Variants in CAPN13 observed in about 807,000 individuals in gnomAD.
The protein encoded by CAPN13 is calpain-13.
CAPN13 carries 90 observed loss-of-function variants against 98.4 expected under a neutral mutation model. The observed-to-expected ratio is 0.92, with a 90% CI of 0.77 to 1.09. CAPN13 has a LOEUF of 1.09. Ranked by LOEUF, CAPN13 falls within the 50% of genes least tolerant of loss-of-function variation. CAPN13 has a pLI of 0.00. For missense variants in CAPN13, 887 were observed against 841.3 expected, an observed-to-expected ratio of 1.05 and a Z score of -0.67; for synonymous variants, 330 against 305.5, an observed-to-expected ratio of 1.08 and a Z score of -0.84.
intron 7 of CAPN13, among the ~76,000 whole-genome samples, chr2:30,759,059 C>T (rs1035672161): frequency 1.5e-4 from 2 of 13,354 alleles, no homozygotes; most frequent in Admixed American, 5.1e-4. Context: ...TCCTTCCCTC[C>T]CTCCCTCCCT....
chr2:30,804,569 A>G (rs1014267071), intron 1 of CAPN13, among the ~76,000 whole-genome samples: 1 of 152,206 alleles, frequency 6.6e-6, no homozygotes, highest in African/African-American at 2.4e-5. Context: ...ATATTTGATC[A>G]TAAATGCTTT....
intron 22 of CAPN13, among the ~76,000 whole-genome samples, chr2:30,728,194 G>A (rs1158203829): frequency 1.3e-5 from 2 of 150,062 alleles, no homozygotes; most frequent in South Asian, 2.1e-4. Flanking sequence ...CATGCTAGAT[G>A]GGCATGGGGT....
At chr2:30,760,242 T>C (rs1672774492) in intron 7 of CAPN13, among the ~76,000 whole-genome samples, 1 of 152,172 alleles carries the variant, frequency 6.6e-6, no homozygotes, top group Non-Finnish European at 1.5e-5. Flanking sequence ...ACCCGCCTAA[T>C]GCCCGGCTAA....
chr2:30,757,751 T>A (rs1480736571), intron 8 of CAPN13, among the ~76,000 whole-genome samples: 2 of 152,228 alleles, frequency 1.3e-5, no homozygotes, highest in Non-Finnish European at 1.5e-5. Flanking sequence ...GATTCCCTGC[T>A]GTAGACTGTA....
At chr2:30,760,286 C>A (rs902073317) in intron 7 of CAPN13, among the ~76,000 whole-genome samples, 2 of 152,150 alleles carry the variant, frequency 1.3e-5, no homozygotes, top group East Asian at 1.9e-4. Flanking sequence ...GGGGTTTCAC[C>A]GTGTTAGCCA....
chr2:30,784,459 C>T (rs1363606685), intron 2 of CAPN13, among the ~76,000 whole-genome samples: 1 of 152,144 alleles, frequency 6.6e-6, no homozygotes, highest in Non-Finnish European at 1.5e-5. Context: ...GTATTGTACT[C>T]ATTTAGTACT....
chr2:30,742,289 A>T (rs1322734916), intron 14 of CAPN13, 37 bp downstream of exon 14: 2 of 1,590,414 alleles, frequency 1.3e-6, no homozygotes, highest in Admixed American at 3.5e-5. Flanking sequence ...GGATGGGGCC[A>T]ATGAGGCTCG....
chr2:30,781,098 C>A (rs1673963619), intron 2 of CAPN13, among the ~76,000 whole-genome samples: 1 of 152,226 alleles, frequency 6.6e-6, no homozygotes, highest in Non-Finnish European at 1.5e-5. Context: ...TTTCACAGGT[C>A]ATTCAGAGAT....
intron 9 of CAPN13, among the ~76,000 whole-genome samples, chr2:30,754,003 T>C (rs1279489876): frequency 2.6e-5 from 4 of 152,170 alleles, no homozygotes; most frequent in African/African-American, 9.7e-5. Flanking sequence ...CATCCTAGCT[T>C]CCAGGAAACC....
At chr2:30,798,777 A>C (rs1425641362) in intron 1 of CAPN13, among the ~76,000 whole-genome samples, 2 of 152,186 alleles carry the variant, frequency 1.3e-5, no homozygotes, top group African/African-American at 2.4e-5. Flanking sequence ...ACGAGGAGCA[A>C]TCTATTTCCC....
At position 30,751,304 on chromosome 2, in the gene CAPN13, G is replaced by A; in HGVS notation, c.1088-53C>T. ...CTCAGCTCCACTCCTGGGACTCCTG[G>A]GCAGGGCCATGTCCAGTGCAGAGAG... On this transcript the variant is annotated intron_variant, in intron 10 of 22. Transcript: ENST00000295055. The A allele has an allele frequency of 2.5e-6, 4 of 1,599,132 alleles. No homozygotes were observed. In the East Asian group the frequency reaches 6.7e-5, roughly 27 times the overall value.
rs1296739732 is a variant in CAPN13, at chr2:30,770,539, C to T, written c.388-90G>A. 6 of 1,476,744 alleles carry T rather than the reference C, an allele frequency of 4.1e-6. No individual in the cohort carries two copies. In the East Asian group the frequency reaches 1.1e-4, roughly 28 times the overall value. 91.5% of individuals were successfully genotyped at this position (1,476,744 alleles called of 1,614,324 possible). A position where few individuals can be genotyped will look rare whatever the true frequency, so the allele number is the denominator to read the frequency against. ...ACCTAAGCCAAAAGTTGCAACATGACCTCTACAATGCAATAATGAACTCTA... is the reference window on the plus strand; with the variant it reads ...ACCTAAGCCAAAAGTTGCAACATGATCTCTACAATGCAATAATGAACTCTA... On this transcript the variant is annotated intron_variant, in intron 4 of 22. Coordinates refer to ENST00000295055, the MANE Select transcript of CAPN13 (RefSeq NM_144575.3).
Position 30,777,572 on chromosome 2 carries a change from C to T in CAPN13, c.266G>A (p.Gly89Asp). ...GGAAGATGTTGCACTCTTACCTGCGCCTCCTTGTTGGATGTCAAATCTGCT... is the reference window on the plus strand; with the variant it reads ...GGAAGATGTTGCACTCTTACCTGCGTCTCCTTGTTGGATGTCAAATCTGCT... ...DISRFDIQQG[G>D]AADCWFLAAL... The change falls in exon 3 of 23, where the codon GGC (glycine) becomes GAC (aspartate). Residue 89 changes from glycine to aspartate, a missense_variant. Physicochemically the swap from Gly to Asp is moderately conservative, Grantham distance 94. Coordinates refer to ENST00000295055, the MANE Select transcript of CAPN13 (RefSeq NM_144575.3). The T allele has an allele frequency of 6.3e-7, 1 of 1,575,070 alleles. No individual in the cohort carries two copies. The highest frequency in any genetic ancestry group is 8.6e-7 in the Non-Finnish European group (1 of 1,158,688).
chr2:30,787,761 T>G (rs1439938807), intron 1 of CAPN13, among the ~76,000 whole-genome samples: 1 of 151,852 alleles, frequency 6.6e-6, no homozygotes, highest in Non-Finnish European at 1.5e-5. Context: ...TTTTGTGGGA[T>G]GGGGGCAGAG....
At chr2:30,743,324 A>C (rs1671748119) in intron 13 of CAPN13, 59 bp downstream of exon 13, 1 of 1,444,284 alleles carries the variant, frequency 6.9e-7, no homozygotes, top group Non-Finnish European at 9.7e-7. Context: ...ATAATTACAC[A>C]ATGTGTTTTT....
rs552837269 is a variant in CAPN13, at chr2:30,759,733, C to T, written c.775-1596G>A. 7.2e-5 allele frequency among the ~76,000 whole-genome samples: 11 copies of T among 152,278 alleles called. 1 individual carries two copies. The South Asian group carries it at 2.3e-3, about 32-fold the overall frequency. ...CGGAGGCAGAATTCCAATCCAGCCACGGTGAGTATCTAAAGTCCGGGCTCC... is the reference window on the plus strand; with the variant it reads ...CGGAGGCAGAATTCCAATCCAGCCATGGTGAGTATCTAAAGTCCGGGCTCC... On this transcript the variant is annotated intron_variant, in intron 7 of 22. Transcript: ENST00000295055.
At chr2:30,768,996 TATCTTGGCTACAC>T (rs1457099811) in intron 5 of CAPN13, among the ~76,000 whole-genome samples, 2 of 151,792 alleles carry the variant, frequency 1.3e-5, no homozygotes, top group African/African-American at 4.8e-5. Flanking sequence ...TGACAATACT[TATCTTGGCTACAC>T]GCACGTCTCA....
intron 1 of CAPN13, among the ~76,000 whole-genome samples, chr2:30,799,943 A>G (rs1473626550): frequency 3.9e-5 from 6 of 151,946 alleles, no homozygotes; most frequent in Admixed American, 6.6e-5. Context: ...GTGTGGTGGC[A>G]GACGCCTGCA....
intron 18 of CAPN13, among the ~76,000 whole-genome samples, chr2:30,735,203 T>A (rs989188302): frequency 6.6e-6 from 1 of 152,186 alleles, no homozygotes; most frequent in African/African-American, 2.4e-5. Flanking sequence ...CTCTGTATAA[T>A]CCTGGTCAAC....
Sources: allele counts gnomAD v4.1 joint callset (sites outside exome capture counted in the v4.1 genomes callset), GRCh38; gene constraint gnomAD v4.1.1; transcripts MANE v1.5; gene names NCBI Gene and HGNC (gene_info 2026-07-23, HGNC 2026-07-21).